Variants in TMEM201 observed in about 807,000 individuals in gnomAD.
The protein encoded by TMEM201 is transmembrane protein 201.
A neutral mutation model predicts 63.4 loss-of-function variants in TMEM201; 26 were observed. The ratio of observed to expected loss-of-function variants is 0.41; its 90% CI spans 0.30 to 0.57. The LOEUF (loss-of-function observed/expected upper bound fraction) is 0.57, where lower values mean the gene tolerates loss of function less well. Among genes scored for constraint, TMEM201 ranks in the 20% least tolerant of loss-of-function variants. TMEM201 has a pLI of 0.29. For missense variants in TMEM201, 794 were observed against 917.7 expected (o/e 0.87, Z 1.74); for synonymous variants, 417 against 421.6 (o/e 0.99, Z 0.14).
chr1:9,597,163 T>A, intron 3 of TMEM201, 110 bp downstream of exon 3: 1 of 1,286,144 alleles, frequency 7.8e-7, no homozygotes, highest in Non-Finnish European at 1.0e-6. Flanking sequence ...GCCCCTGCTC[T>A]GCTAGACAGC....
At chr1:9,593,669 G>C (rs910543261) in intron 1 of TMEM201, among the ~76,000 whole-genome samples, 8 of 152,218 alleles carry the variant, frequency 5.3e-5, no homozygotes, top group Admixed American at 4.6e-4. Context: ...CAGGCACCCT[G>C]GACAGAAGCC....
At position 9,604,395 on chromosome 1, in the gene TMEM201, G is replaced by A. The variant is rs1230743561; in HGVS notation, c.1160+2123G>A. 2.0e-6 allele frequency: 2 copies of A among 985,294 alleles called. No individual in the cohort carries two copies. The highest frequency in any genetic ancestry group is 4.7e-5 in the South Asian group (1 of 21,288). The allele number at this position is 985,294 out of a possible 1,614,324, so 61.0% of individuals were successfully genotyped here. A position where few individuals can be genotyped will look rare whatever the true frequency, so the allele number is the denominator to read the frequency against. On this transcript the variant is annotated intron_variant, in intron 6 of 10. Coordinates refer to ENST00000340381, the MANE Select transcript of TMEM201 (RefSeq NM_001130924.3). This position sits in a 1 kb window ranked among gnomAD's most constrained non-coding sequence, Gnocchi z 4.1. The stretch of plus-strand genomic sequence containing the variant: ...GGATTCCTGCCTTTCGTAGAGTTTT[G>A]TGTGACTTTTTAAATTATTCATGTG...
chr1:9,610,655 A>G lies in TMEM201; in HGVS notation c.1615A>G (p.Lys539Glu), dbSNP rs1644310557. The stretch of plus-strand genomic sequence containing the variant: ...TGCCCGGCTCAACCTGAAGGGACAG[A>G]AGCTGCTGCTGTTCCCGTCACCCCC... ...SPARLNLKGQ[K>E]LLLFPSPPGE... Residue 539 changes from lysine (K) to glutamate (E), a missense_variant, in exon 9 of 11, where the codon AAG becomes GAG. Coordinates refer to ENST00000340381, the MANE Select transcript of TMEM201 (RefSeq NM_001130924.3). The surrounding 1 kb of genome is among the most constrained non-coding windows in gnomAD (Gnocchi z 4.9). The G allele has an allele frequency of 6.4e-7, 1 of 1,550,476 alleles. No homozygotes were observed. The highest frequency in any genetic ancestry group is 8.7e-7 in the Non-Finnish European group (1 of 1,146,908).
intron 6 of TMEM201, 112 bp downstream of exon 6, chr1:9,602,384 C>A: frequency 6.7e-7 from 1 of 1,487,664 alleles, no homozygotes; most frequent in South Asian, 1.3e-5. Flanking sequence ...CCTGCTCACG[C>A]CCTCCCACCC....
chr1:9,590,644 C>T (rs185244589), intron 1 of TMEM201, among the ~76,000 whole-genome samples: 643 of 152,264 alleles, frequency 4.2e-3, no homozygotes, highest in Non-Finnish European at 7.6e-3. Flanking sequence ...TAGGAGGGTG[C>T]CTGGAAGTCC....
chr1:9,600,843 C>A (rs1644125127), intron 4 of TMEM201, among the ~76,000 whole-genome samples: 1 of 152,068 alleles, frequency 6.6e-6, no homozygotes, highest in Non-Finnish European at 1.5e-5. Context: ...TCGCTTAAAC[C>A]CAGGAGGAAG....
At position 9,608,697 on chromosome 1, in the gene TMEM201, T is replaced by C. The variant is rs1569958065; in HGVS notation, c.1393+908T>C. Among the ~76,000 whole-genome samples the C allele has an allele frequency of 6.6e-6, 1 of 152,192 alleles. No individual in the cohort carries two copies. The highest frequency in any genetic ancestry group is 6.5e-5 in the Admixed American group (1 of 15,282). ...CTCAGGGACTTCTGTTTCAAGCCCC[T>C]TGGGAGGGGAGCGTGGCAATCCCAG... On this transcript the variant is annotated intron_variant, in intron 7 of 10. Transcript: ENST00000340381. This position sits in a 1 kb window ranked among gnomAD's most constrained non-coding sequence, Gnocchi z 4.3.
At chr1:9,597,112 C>G (rs956592830) in intron 3 of TMEM201, 59 bp downstream of exon 3, 2 of 1,539,658 alleles carry the variant, frequency 1.3e-6, no homozygotes, top group African/African-American at 1.4e-5. Context: ...TTAGAGCAGC[C>G]GGGGGACAGG....
In TMEM201 at chr1:9,604,298, G is replaced by C. The variant is rs1160281561; in HGVS notation, c.1160+2026G>C. ...TCGCGCTGGCCAGGATCCTCCTGCC[G>C]AGCTGATGTCGCTCCTGCCCTCTGC... is the stretch of plus-strand genomic sequence containing the variant. On this transcript the variant is annotated intron_variant, in intron 6 of 10. Coordinates refer to ENST00000340381, the MANE Select transcript of TMEM201 (RefSeq NM_001130924.3). The surrounding 1 kb of genome is among the most constrained non-coding windows in gnomAD (Gnocchi z 4.1). 1.0e-6 allele frequency: 1 copy of C among 985,300 alleles called. No homozygotes were observed. The highest frequency in any genetic ancestry group is 4.7e-5 in the South Asian group (1 of 21,294). The allele number at this position is 985,300 out of a possible 1,614,324, so 61.0% of individuals were successfully genotyped here.
At chr1:9,599,044 G>A (rs555560935) in intron 4 of TMEM201, among the ~76,000 whole-genome samples, 5 of 149,362 alleles carry the variant, frequency 3.3e-5, no homozygotes, top group African/African-American at 9.9e-5. Flanking sequence ...AGGTTCAAGC[G>A]ATTCTCCCGT....
In TMEM201 at chr1:9,604,715, C is replaced by T; in HGVS notation, c.1160+2443C>T. On this transcript the variant is annotated intron_variant, in intron 6 of 10. Transcript: ENST00000340381. This position sits in a 1 kb window ranked among gnomAD's most constrained non-coding sequence, Gnocchi z 4.1. ...CCAAGCCGGCCCCCCGTACCCCTTG[C>T]CTGGGAGCAAACCGCCAGGACGCAG... 1 of 985,984 alleles carries T rather than the reference C, an allele frequency of 1.0e-6. No homozygotes were observed. Among genetic ancestry groups the T allele is most frequent in the Non-Finnish European group, 1.2e-6 (1 of 830,046 alleles). The allele number at this position is 985,984 out of a possible 1,614,324, so 61.1% of individuals were successfully genotyped here. A position where few individuals can be genotyped will look rare whatever the true frequency, so the allele number is the denominator to read the frequency against.
chr1:9,601,955 C>T, intron 5 of TMEM201, 114 bp from the exon 6 acceptor site: 1 of 1,292,214 alleles, frequency 7.7e-7, no homozygotes, highest in Non-Finnish European at 1.0e-6. Context: ...ACACTGTCCC[C>T]TGGCTCTGGA....
chr1:9,589,283 G>T (rs1203282598), intron 1 of TMEM201, among the ~76,000 whole-genome samples: 1 of 151,744 alleles, frequency 6.6e-6, no homozygotes, highest in Non-Finnish European at 1.5e-5. Flanking sequence ...AGCGCCGCGC[G>T]GGGGCCACAA....
intron 1 of TMEM201, among the ~76,000 whole-genome samples, chr1:9,591,637 T>C (rs906015414): frequency 6.6e-6 from 1 of 152,238 alleles, no homozygotes; most frequent in Non-Finnish European, 1.5e-5. Flanking sequence ...TCCGGGGCTT[T>C]GTTGGTGTTT....
intron 1 of TMEM201, among the ~76,000 whole-genome samples, chr1:9,589,551 C>T (rs1221922762): frequency 6.6e-6 from 1 of 152,270 alleles, no homozygotes; most frequent in African/African-American, 2.4e-5. Flanking sequence ...ATGGTTTGAG[C>T]CGATGGAATC....
Position 9,613,447 on chromosome 1 carries a change from T to G in TMEM201, c.*364T>G. On this transcript the variant is annotated 3_prime_UTR_variant, in exon 11 of 11. Transcript: ENST00000340381. ...GTACTACTGTAACTGCAGCAGGAGCTGCCCGGCCTGCCTTCTGGCCCCACG... is the reference window on the plus strand; with the variant it reads ...GTACTACTGTAACTGCAGCAGGAGCGGCCCGGCCTGCCTTCTGGCCCCACG... The G allele has an allele frequency of 3.4e-6, 1 of 296,090 alleles. No homozygotes were observed. Among genetic ancestry groups the G allele is most frequent in the Non-Finnish European group, 6.4e-6 (1 of 155,736 alleles). The allele number at this position is 296,090 out of a possible 1,614,324, so 18.3% of individuals were successfully genotyped here. A position where few individuals can be genotyped will look rare whatever the true frequency, so the allele number is the denominator to read the frequency against.
chr1:9,609,048 C>T (rs1356122180), intron 7 of TMEM201, among the ~76,000 whole-genome samples: 1 of 152,206 alleles, frequency 6.6e-6, no homozygotes, highest in Non-Finnish European at 1.5e-5. Flanking sequence ...GTCTCCCTGT[C>T]TGTCCTCAGT....
intron 4 of TMEM201, among the ~76,000 whole-genome samples, chr1:9,600,467 G>A (rs958736754): frequency 6.6e-6 from 1 of 152,126 alleles, no homozygotes; most frequent in African/African-American, 2.4e-5. Context: ...AGAAACAGGA[G>A]GGCCACCCCT....
intron 3 of TMEM201, 103 bp from the exon 4 acceptor site, chr1:9,598,346 C>T (rs1644064658): frequency 1.4e-6 from 2 of 1,403,760 alleles, no homozygotes; most frequent in East Asian, 2.3e-5. Context: ...CCGGTCATCC[C>T]CTAGTAAGTG....
Sources: gnomAD v4.1 joint callset for allele counts (sites outside exome capture counted in the v4.1 genomes callset) on GRCh38, gnomAD v4.1.1 for gene constraint, Gnocchi (gnomAD v3.1) non-coding constraint, MANE v1.5 for transcripts, NCBI Gene and HGNC (gene_info 2026-07-23, HGNC 2026-07-21) for gene names.